SRRM2: variants seen among roughly 807,000 people sequenced by gnomAD.
The protein encoded by SRRM2 is serine/arginine repetitive matrix 2, also known as serine/arginine repetitive matrix protein 2.
Under a neutral mutation model 213.8 loss-of-function variants are expected in SRRM2, and 30 were observed. The observed-to-expected ratio is 0.14, with a 90% confidence interval of 0.10 to 0.19. The LOEUF (loss-of-function observed/expected upper bound fraction) is 0.19, where lower values mean the gene tolerates loss of function less well. SRRM2 is among the 10% of genes least tolerant of loss of function. The pLI is 1.00. For missense variants in SRRM2, 4,904 were observed against 3,647.0 expected (o/e 1.34, Z -8.88); for synonymous variants, 2,025 against 1,377.7 (o/e 1.47, Z -10.40).
chr16:2,767,408 G>T lies in SRRM2; in HGVS notation c.6880G>T (p.Ala2294Ser). The T allele has an allele frequency of 3.7e-6, 6 of 1,614,020 alleles. No homozygotes were observed. The highest frequency in any genetic ancestry group is 5.1e-6 in the Non-Finnish European group (6 of 1,180,010). Residue 2294 changes from alanine (A) to serine (S), a missense_variant, in exon 11 of 15, where the codon GCT (alanine) becomes TCT (serine). Physicochemically the swap from Ala to Ser is moderately conservative, Grantham distance 99. Coordinates refer to ENST00000301740, the MANE Select transcript of SRRM2 (RefSeq NM_016333.4). The part of the protein sequence containing the change: ...LADPRTPTAP[A>S]VNLAGARTPA... ...TGACCCTCGCACTCCCACAGCCCCA[G>T]CTGTGAACCTAGCAGGGGCCAGAAC...
Position 2,766,797 on chromosome 16 carries a change from C to T in SRRM2, c.6269C>T (p.Ser2090Phe), listed in dbSNP as rs2068562097. 4 of 1,614,192 alleles carry T rather than the reference C, an allele frequency of 2.5e-6. No homozygotes were observed. The highest frequency in any genetic ancestry group is 2.5e-6 in the Non-Finnish European group (3 of 1,180,040). Residue 2090 changes from serine (S) to phenylalanine (F), a missense_variant, in exon 11 of 15, where the codon TCT (serine) becomes TTT (phenylalanine). Physicochemically the swap from Ser to Phe is radical, Grantham distance 155. Coordinates refer to ENST00000301740, the MANE Select transcript of SRRM2 (RefSeq NM_016333.4). This position sits in a 1 kb window ranked among gnomAD's most constrained non-coding sequence, Gnocchi z 7.0. ...GGAAGTAGTTCTGATCGTTCACGAT[C>T]TGCTACTCCTCCAGCAACAAGAAAT... ...ASGSSSDRSR[S>F]ATPPATRNHS...
At chr16:2,753,603 C>T (rs906612332) in intron 1 of SRRM2, 2 of 152,174 alleles carry the variant, frequency 1.3e-5, no homozygotes, top group South Asian at 2.1e-4. Flanking sequence ...TTTTGGAGAC[C>T]TTCGTTGGGA....
At chr16:2,758,872 A>G (rs1202040020) in intron 5 of SRRM2, 113 bp from the exon 6 acceptor site, 3 of 1,120,654 alleles carry the variant, frequency 2.7e-6, no homozygotes, top group Non-Finnish European at 3.9e-6. Context: ...CTGGGGCATT[A>G]GTGCTATTAG....
At position 2,767,801 on chromosome 16, in the gene SRRM2, C is replaced by T. The variant is rs1359249419; in HGVS notation, c.7273C>T (p.Pro2425Ser). Residue 2425 changes from proline (P) to serine (S), a missense_variant, in exon 11 of 15, where the codon CCC (proline) becomes TCC (serine). By Grantham distance (74) the Pro-to-Ser change is moderately conservative. Transcript: ENST00000301740. ...ATCTAGGATGACCTCTGAACGGGCT[C>T]CCTCCCCTTCCTCTAGAATGGGCCA... is the stretch of plus-strand genomic sequence containing the variant. ...SQSRMTSERA[P>S]SPSSRMGQAP... is the part of the protein sequence containing the mutation. The T allele has an allele frequency of 6.2e-6, 10 of 1,613,898 alleles. 1 individual carries two copies. In the South Asian group the frequency reaches 9.9e-5, roughly 16 times the overall value.
intron 12 of SRRM2, chr16:2,769,836 G>T: frequency 2.2e-6 from 1 of 464,602 alleles, no homozygotes; most frequent in Non-Finnish European, 4.3e-6. Context: ...CCTCCTGCCC[G>T]CCCCCACACA....
chr16:2,758,997 C>T lies in SRRM2; in HGVS notation c.606C>T (p.Ser202=), dbSNP rs1287897632. ...AATCCATCTTTAGCAGGTCAGAGAG[C>T]AGCTCTCCTCGACGGGAGAGAAAGA... ...KKKDRGRRSE[S]SSPRRERKKS... The change falls in exon 6 of 15, where the codon AGC becomes AGT. Residue 202 remains serine (S), a synonymous_variant. Coordinates refer to ENST00000301740, the MANE Select transcript of SRRM2 (RefSeq NM_016333.4). 1.9e-6 allele frequency: 3 copies of T among 1,614,124 alleles called. No homozygotes were observed. The highest frequency in any genetic ancestry group is 2.5e-6 in the Non-Finnish European group (3 of 1,180,032).
intron 9 of SRRM2, chr16:2,760,029 G>T: frequency 3.6e-6 from 2 of 558,492 alleles, no homozygotes; most frequent in Non-Finnish European, 6.4e-6. Context: ...AATGAAGCGG[G>T]TAGGGAGTGG....
At position 2,763,997 on chromosome 16, in the gene SRRM2, A is replaced by G; in HGVS notation, c.3469A>G (p.Ser1157Gly). ...GGACTCGAATTCTCTCTTGGGGCAG[A>G]GTAGATTGGAGACTGCTGAATCAAA... is the stretch of plus-strand genomic sequence containing the variant. ...TVDSNSLLGQ[S>G]RLETAESKEK... is the part of the protein sequence containing the mutation. The change falls in exon 11 of 15, where the codon AGT becomes GGT. Residue 1157 changes from serine to glycine, a missense_variant. By Grantham distance (56) the Ser-to-Gly change is moderately conservative (BLOSUM62 0). Coordinates refer to ENST00000301740, the MANE Select transcript of SRRM2 (RefSeq NM_016333.4). 2 of 1,614,198 alleles carry G rather than the reference A, an allele frequency of 1.2e-6. No individual in the cohort carries two copies. The highest frequency in any genetic ancestry group is 1.3e-5 in the African/African-American group (1 of 75,048).
Position 2,765,633 on chromosome 16 carries a change from G to C in SRRM2, c.5105G>C (p.Arg1702Thr). ...RSSPELTRKA[R>T]LSRRSRSASS... ...TCTCCGGAGCTAACAAGGAAGGCCA[G>C]ACTGTCCCGTAGAAGCCGCTCTGCC... The change falls in exon 11 of 15, where the codon AGA (arginine) becomes ACA (threonine). Residue 1702 changes from arginine to threonine, a missense_variant. Arg to Thr is a moderately conservative substitution (Grantham distance 71). Transcript: ENST00000301740. 4 of 1,614,176 alleles carry C rather than the reference G, an allele frequency of 2.5e-6. No homozygotes were observed. The highest frequency in any genetic ancestry group is 2.5e-6 in the Non-Finnish European group (3 of 1,180,030).
At chr16:2,758,071 T>C in intron 4 of SRRM2, 126 bp downstream of exon 4, 1 of 1,270,482 alleles carries the variant, frequency 7.9e-7, no homozygotes, top group South Asian at 1.5e-5. Flanking sequence ...GAAGTTGAGG[T>C]GTCCAAAAAA....
chr16:2,768,867 C>T (rs1162516512), intron 11 of SRRM2, 130 bp from the exon 12 acceptor site: 15 of 1,535,808 alleles, frequency 9.8e-6, no homozygotes, highest in Non-Finnish European at 1.2e-5. Flanking sequence ...ATTGCTGGCT[C>T]ACGTGGCTCG....
At position 2,771,093 on chromosome 16, in the gene SRRM2, G is replaced by C. The variant is rs2068732129; in HGVS notation, c.*226G>C. 7.1e-6 allele frequency: 3 copies of C among 420,404 alleles called. No homozygotes were observed. Among genetic ancestry groups the C allele is most frequent in the South Asian group, 2.1e-5 (1 of 47,442 alleles). The allele number at this position is 420,404 out of a possible 1,614,324, so 26.0% of individuals were successfully genotyped here. On this transcript the variant is annotated 3_prime_UTR_variant, in exon 15 of 15. Transcript: ENST00000301740. ...ATGTGTTCTGGGGGGTTTGGGGTGG[G>C]AGGGAATGCAGATGGGAGTTGGGGG...
At position 2,765,913 on chromosome 16, in the gene SRRM2, G is replaced by C. The variant is rs761343991; in HGVS notation, c.5385G>C (p.Gln1795His). 5 of 1,614,204 alleles carry C rather than the reference G, an allele frequency of 3.1e-6. No homozygotes were observed. In the South Asian group the frequency reaches 5.5e-5, roughly 18 times the overall value. The change falls in exon 11 of 15, where the codon CAG becomes CAC. Residue 1795 changes from glutamine (Q) to histidine (H), a missense_variant. Coordinates refer to ENST00000301740, the MANE Select transcript of SRRM2 (RefSeq NM_016333.4). ...GTCGAGATAGGTCTGGATCTTCTCAGTCAACCTCTCGGCGAAGACAGCGGA... is the reference window on the plus strand; with the variant it reads ...GTCGAGATAGGTCTGGATCTTCTCACTCAACCTCTCGGCGAAGACAGCGGA... ...TRRRDRSGSS[Q>H]STSRRRQRSR...
chr16:2,768,169 A>G lies in SRRM2; in HGVS notation c.7641A>G (p.Ser2547=), dbSNP rs114814069. 8.8e-4 allele frequency: 1,413 copies of G among 1,610,456 alleles called. 11 individuals are homozygous for G. The African/African-American group carries it at 0.015, about 17-fold the overall frequency. Residue 2547 remains serine (S), a synonymous_variant, in exon 11 of 15, where the codon TCA becomes TCG. Coordinates refer to ENST00000301740, the MANE Select transcript of SRRM2 (RefSeq NM_016333.4). Reference sequence around the variant, plus strand: ...CCTCTAGCTCCTCCTCTTCTTCATCATCGTCGTCGTCGTCCTCCTCCTCCT... The same window carrying G: ...CCTCTAGCTCCTCCTCTTCTTCATCGTCGTCGTCGTCGTCCTCCTCCTCCT... ...SSSSSSSSSS[S]SSSSSSSSSG...
rs1351333386 is a variant in SRRM2 at position 2,759,581 on chromosome 16, A to G, written c.753A>G (p.Thr251=). The G allele has an allele frequency of 1.1e-5, 17 of 1,614,030 alleles. No individual in the cohort carries two copies. Among genetic ancestry groups the G allele is most frequent in the Non-Finnish European group, 1.4e-5 (17 of 1,180,030 alleles). ...KDKKRKRSRS[T]TPAPKSRRAH... ...GGTCTTCCTTCAGGTCTCGAAGTAC[A>G]ACACCAGCCCCCAAGAGCCGCCGGG... Residue 251 remains threonine, a synonymous_variant, in exon 9 of 15, where the codon ACA becomes ACG. Transcript: ENST00000301740.
At chr16:2,760,851 T>C in intron 10 of SRRM2, 1 of 216,232 alleles carries the variant, frequency 4.6e-6, no homozygotes, top group Non-Finnish European at 9.4e-6. Context: ...CCAAAACTTT[T>C]TAATCCATTG....
chr16:2,769,520 C>T (rs560513251), intron 12 of SRRM2: 3 of 630,024 alleles, frequency 4.8e-6, no homozygotes, highest in Admixed American at 2.4e-5. Context: ...TTCTTCCTCT[C>T]CCTCCCTCAA....
At position 2,770,473 on chromosome 16, in the gene SRRM2, C is replaced by T. The variant is rs764157787; in HGVS notation, c.8135+8C>T. ...ACCACGGGACCAGCAGAGGTAAGGC[C>T]AACTGCAGGTGTCAGCACCCAGCCT... On this transcript the variant is annotated splice_region_variant and intron_variant, in intron 13 of 14. Coordinates refer to ENST00000301740, the MANE Select transcript of SRRM2 (RefSeq NM_016333.4). 12 of 1,601,324 alleles carry T rather than the reference C, an allele frequency of 7.5e-6. No homozygotes were observed. The highest frequency in any genetic ancestry group is 2.2e-5 in the South Asian group (2 of 88,916).
In SRRM2 at chr16:2,757,544, T is replaced by G; in HGVS notation, c.315T>G (p.Pro105=). Residue 105 remains proline, a synonymous_variant, in exon 3 of 15, where the codon CCT becomes CCG. Transcript: ENST00000301740. The part of the protein sequence containing the change: ...RLMLLEKDVN[P]GGKEETPGQR... ...TGTTGCTGGAGAAGGATGTGAACCC[T>G]GGGGGCAAGGAGGAGACCCCAGGGC... 6.2e-7 allele frequency: 1 copy of G among 1,614,010 alleles called. No individual in the cohort carries two copies. The highest frequency in any genetic ancestry group is 1.3e-5 in the African/African-American group (1 of 74,994).
Sources: allele counts gnomAD v4.1 joint callset, GRCh38; gene constraint gnomAD v4.1.1; non-coding constraint Gnocchi (gnomAD v3.1); transcripts MANE v1.5; gene names NCBI Gene and HGNC (gene_info 2026-07-23, HGNC 2026-07-21).